The following PLPP4 variants were observed in gnomAD, a reference collection of about 807,000 sequenced individuals.
PLPP4 encodes phospholipid phosphatase 4.
Under a neutral mutation model 32.2 loss-of-function variants are expected in PLPP4, and 20 were observed. The observed-to-expected ratio is 0.62, with a 90% CI of 0.44 to 0.90. The LOEUF (loss-of-function observed/expected upper bound fraction) is 0.90. Among genes scored for constraint, PLPP4 ranks in the 40% least tolerant of loss-of-function variants. PLPP4 has a pLI of 0.00. For missense variants in PLPP4, 257 were observed against 353.1 expected (o/e 0.73, Z 2.18); for synonymous variants, 127 against 133.0 (o/e 0.95, Z 0.31).
intron 1 of PLPP4, among the ~76,000 whole-genome samples, chr10:120,477,152 C>T (rs1165838152): frequency 2.0e-5 from 3 of 150,628 alleles, no homozygotes; most frequent in Non-Finnish European, 4.4e-5. Flanking sequence ...GATTAATTAT[C>T]TGTGTACTTT....
chr10:120,505,214 G>T (rs967064130), intron 2 of PLPP4, among the ~76,000 whole-genome samples: 1 of 152,254 alleles, frequency 6.6e-6, no homozygotes, highest in Non-Finnish European at 1.5e-5. Context: ...CACAGCACCA[G>T]GTTCTAGCGG....
At chr10:120,478,515 T>C (rs930439749) in intron 1 of PLPP4, among the ~76,000 whole-genome samples, 3 of 152,248 alleles carry the variant, frequency 2.0e-5, no homozygotes, top group African/African-American at 7.2e-5. Context: ...ACTTATATGA[T>C]ACACAGAGAA....
chr10:120,555,276 T>C (rs1848104592), intron 5 of PLPP4, among the ~76,000 whole-genome samples: 1 of 152,194 alleles, frequency 6.6e-6, no homozygotes, highest in Non-Finnish European at 1.5e-5. Context: ...GTTTGTCCTA[T>C]GGTTGGTCTG....
At chr10:120,461,392 CG>C (rs1235324492) in intron 1 of PLPP4, among the ~76,000 whole-genome samples, 2 of 152,136 alleles carry the variant, frequency 1.3e-5, no homozygotes, top group Non-Finnish European at 2.9e-5. Context: ...ATGTGCTGGA[CG>C]GGGGGAAAGA....
chr10:120,589,220 G>A, intron 6 of PLPP4, 83 bp from the exon 7 acceptor site: 2 of 1,398,868 alleles, frequency 1.4e-6, no homozygotes, highest in Non-Finnish European at 1.0e-6. Context: ...GAACAGGAAG[G>A]AAAAGTGCTT....
intron 5 of PLPP4, among the ~76,000 whole-genome samples, chr10:120,543,830 C>T (rs1211461106): frequency 7.9e-5 from 12 of 152,170 alleles, no homozygotes; most frequent in Non-Finnish European, 5.9e-5. Flanking sequence ...ATTTCAATAA[C>T]TCTAGGTCCC....
At chr10:120,587,410 T>C (rs1323751294) in intron 6 of PLPP4, 1 of 152,230 alleles carries the variant, frequency 6.6e-6, no homozygotes, top group East Asian at 1.9e-4. Flanking sequence ...ATCACGGACA[T>C]GTCTAAAATA....
intron 2 of PLPP4, among the ~76,000 whole-genome samples, chr10:120,506,786 CTG>C (rs1845511113): frequency 6.6e-6 from 1 of 152,184 alleles, no homozygotes; most frequent in Admixed American, 6.5e-5. Flanking sequence ...TGCACTTTCG[CTG>C]TCTGTGGCAC....
rs185883023 is a variant in PLPP4 at position 120,590,754 on chromosome 10, A to T, written c.*1252A>T. Among the ~76,000 whole-genome samples the T allele has an allele frequency of 6.8e-5, 10 of 146,536 alleles. No homozygotes were observed. In the Admixed American group the frequency reaches 6.8e-4, roughly 10 times the overall value. On this transcript the variant is annotated 3_prime_UTR_variant, in exon 7 of 7. Transcript: ENST00000398250. Reference sequence around the variant, plus strand: ...TGCTACGAGGTGATGCATCTTTGCTATCCAGAGTGTCACTTTTTTTTTTTT... The same window carrying T: ...TGCTACGAGGTGATGCATCTTTGCTTTCCAGAGTGTCACTTTTTTTTTTTT...
intron 5 of PLPP4, among the ~76,000 whole-genome samples, chr10:120,531,442 A>T (rs1178688008): frequency 6.6e-6 from 1 of 152,072 alleles, no homozygotes; most frequent in Non-Finnish European, 1.5e-5. Flanking sequence ...GATGAGCAGC[A>T]TCTTTTAATT....
intron 5 of PLPP4, among the ~76,000 whole-genome samples, chr10:120,550,840 A>C (rs1847865090): frequency 6.6e-6 from 1 of 152,082 alleles, no homozygotes; most frequent in East Asian, 1.9e-4. Context: ...GGGATAGACA[A>C]AGATTTCTTT....
intron 2 of PLPP4, among the ~76,000 whole-genome samples, chr10:120,505,534 C>G (rs1035343230): frequency 6.6e-6 from 1 of 152,166 alleles, no homozygotes; most frequent in Non-Finnish European, 1.5e-5. Context: ...AAAGAAATCC[C>G]TCTGATTTTA....
At chr10:120,472,970 C>T (rs1848582227) in intron 1 of PLPP4, among the ~76,000 whole-genome samples, 1 of 152,148 alleles carries the variant, frequency 6.6e-6, no homozygotes, top group African/African-American at 2.4e-5. Context: ...TTTAGTTTCT[C>T]TGTTGAAGTT....
chr10:120,527,738 G>A (rs1846472108), intron 5 of PLPP4, among the ~76,000 whole-genome samples: 1 of 152,166 alleles, frequency 6.6e-6, no homozygotes, highest in African/African-American at 2.4e-5. Context: ...AGTCCTTGAG[G>A]GTGGAGGATA....
At chr10:120,567,905 A>G (rs1007838726) in intron 5 of PLPP4, among the ~76,000 whole-genome samples, 3 of 152,212 alleles carry the variant, frequency 2.0e-5, no homozygotes, top group Non-Finnish European at 2.9e-5. Context: ...TACTAGTTCT[A>G]TTTATGGTCA....
rs184093596 is a variant in PLPP4 at position 120,568,940 on chromosome 10, A to G, written c.446-6191A>G. The stretch of plus-strand genomic sequence containing the variant: ...GGAGCCAAAGCACCTTCTGTCATTC[A>G]AAAATCCTTAATCCCCAACCAGGTG... On this transcript the variant is annotated intron_variant, in intron 5 of 6. Transcript: ENST00000398250. Among the ~76,000 whole-genome samples the G allele has an allele frequency of 2.6e-5, 4 of 152,260 alleles. No homozygotes were observed. The East Asian group carries it at 7.7e-4, about 29-fold the overall frequency.
chr10:120,536,671 C>CAAAAAAA (rs35552215), intron 5 of PLPP4, among the ~76,000 whole-genome samples: 29 of 124,716 alleles, frequency 2.3e-4, no homozygotes, highest in South Asian at 8.3e-4. Flanking sequence ...AAAGCACAGG[C>CAAAAAAA]AAAAAAAAAA....
chr10:120,525,726 A>G (rs1037747715), intron 5 of PLPP4, among the ~76,000 whole-genome samples: 1 of 152,222 alleles, frequency 6.6e-6, no homozygotes, highest in Non-Finnish European at 1.5e-5. Flanking sequence ...CTTTAGCTGC[A>G]TGTAGAATTC....
intron 1 of PLPP4, among the ~76,000 whole-genome samples, chr10:120,484,418 C>A (rs777049354): frequency 9.9e-5 from 15 of 152,126 alleles, no homozygotes; most frequent in African/African-American, 3.4e-4. Context: ...AGTCCAAGAT[C>A]GAGGTGCCAG....
Sources: allele counts gnomAD v4.1 joint callset (sites outside exome capture counted in the v4.1 genomes callset), GRCh38; gene constraint gnomAD v4.1.1; transcripts MANE v1.5; gene names NCBI Gene and HGNC (gene_info 2026-07-23, HGNC 2026-07-21).